PCCB: variants seen among roughly 807,000 people sequenced by gnomAD.
PCCB encodes the protein propionyl-CoA carboxylase subunit beta.
A neutral mutation model predicts 60.7 loss-of-function variants in PCCB; 43 were observed. The observed-to-expected ratio is 0.71, with a 90% CI of 0.55 to 0.91. The LOEUF (loss-of-function observed/expected upper bound fraction) is 0.91, where lower values mean the gene tolerates loss of function less well. PCCB is among the 40% of genes least tolerant of loss of function. The probability of loss-of-function intolerance (pLI) is 0.00; values close to 1 mark genes in which losing one functional copy is unlikely to be tolerated. For missense variants in PCCB, 766 were observed against 702.8 expected (o/e 1.09, Z -1.02); for synonymous variants, 276 against 255.9 (o/e 1.08, Z -0.75).
chr3:136,280,994 A>G (rs1012576907), intron 5 of PCCB, among the ~76,000 whole-genome samples: 2 of 152,152 alleles, frequency 1.3e-5, no homozygotes, highest in Non-Finnish European at 2.9e-5. Flanking sequence ...TCCGGCCTCC[A>G]TGGTTAATCT....
At chr3:136,250,695 G>C (rs147606121) in intron 1 of PCCB, 137 bp downstream of exon 1, 5 of 837,708 alleles carry the variant, frequency 6.0e-6, no homozygotes, top group South Asian at 3.8e-5. Flanking sequence ...TGTTCACCTT[G>C]AAAACCTGTA....
chr3:136,316,039 C>T (rs547158738), intron 9 of PCCB, among the ~76,000 whole-genome samples: 5 of 151,834 alleles, frequency 3.3e-5, no homozygotes, highest in South Asian at 2.1e-4. Context: ...GGCAACATAG[C>T]GAGATCTCAT....
chr3:136,257,196 G>A (rs898369441), intron 3 of PCCB, among the ~76,000 whole-genome samples: 3 of 152,138 alleles, frequency 2.0e-5, no homozygotes, highest in Admixed American at 1.3e-4. Context: ...ATCCAGGTGG[G>A]CCCAATATAA....
intron 5 of PCCB, among the ~76,000 whole-genome samples, chr3:136,281,143 T>G (rs1942465060): frequency 6.6e-6 from 1 of 151,976 alleles, no homozygotes; most frequent in Non-Finnish European, 1.5e-5. Context: ...TTTGTTGAGC[T>G]TCTTGGGTAT....
intron 5 of PCCB, among the ~76,000 whole-genome samples, chr3:136,277,240 T>G (rs1942351319): frequency 6.6e-6 from 1 of 152,220 alleles, no homozygotes; most frequent in Non-Finnish European, 1.5e-5. Context: ...ACCTCCTGGT[T>G]AGCCAGGGTT....
intron 5 of PCCB, among the ~76,000 whole-genome samples, chr3:136,273,127 G>A (rs960857344): frequency 6.6e-6 from 1 of 152,070 alleles, no homozygotes; most frequent in Non-Finnish European, 1.5e-5. Flanking sequence ...ATAGTTTTGA[G>A]CATTTCTTTT....
At chr3:136,327,280 T>C (rs369792100) in intron 12 of PCCB, 25 bp downstream of exon 12, 42 of 1,567,746 alleles carry the variant, frequency 2.7e-5, no homozygotes, top group Non-Finnish European at 3.5e-5. Flanking sequence ...TTGGAGGCCA[T>C]GACCCTGCTC....
At chr3:136,308,433 A>C (rs1174974626) in intron 9 of PCCB, among the ~76,000 whole-genome samples, 1 of 152,212 alleles carries the variant, frequency 6.6e-6, no homozygotes, top group Admixed American at 6.5e-5. Context: ...TCTGTGCCAG[A>C]AATAACCACC....
intron 10 of PCCB, among the ~76,000 whole-genome samples, chr3:136,325,755 T>G (rs1935283916): frequency 6.6e-6 from 1 of 152,224 alleles, no homozygotes; most frequent in Non-Finnish European, 1.5e-5. Context: ...AATAATTTCA[T>G]TAGTTTTCAC....
chr3:136,258,088 A>G (rs1941723558), intron 3 of PCCB, among the ~76,000 whole-genome samples: 1 of 152,132 alleles, frequency 6.6e-6, no homozygotes, highest in African/African-American at 2.4e-5. Flanking sequence ...TGTTTTGTGC[A>G]ATTTATGAGA....
At chr3:136,252,073 G>A (rs1941532017) in intron 1 of PCCB, among the ~76,000 whole-genome samples, 1 of 151,538 alleles carries the variant, frequency 6.6e-6, no homozygotes, top group Non-Finnish European at 1.5e-5. Context: ...GCAGAGACAG[G>A]GTTTCACCAT....
chr3:136,271,193 C>T (rs1351329384), intron 5 of PCCB, among the ~76,000 whole-genome samples: 2 of 151,948 alleles, frequency 1.3e-5, no homozygotes, highest in Non-Finnish European at 2.9e-5. Flanking sequence ...GATTTTTTGC[C>T]TGGGCCAGTG....
chr3:136,277,701 A>G (rs1040180200), intron 5 of PCCB, among the ~76,000 whole-genome samples: 5 of 152,136 alleles, frequency 3.3e-5, no homozygotes, highest in African/African-American at 1.2e-4. Context: ...TGTGGGGAGT[A>G]ACAGGTGGCA....
intron 13 of PCCB, among the ~76,000 whole-genome samples, chr3:136,328,326 C>T (rs1238063682): frequency 2.0e-5 from 3 of 152,226 alleles, no homozygotes; most frequent in East Asian, 3.9e-4. Context: ...TCAGTCTGGT[C>T]GCCTCTGGCC....
intron 6 of PCCB, among the ~76,000 whole-genome samples, chr3:136,293,203 A>G (rs541671594): frequency 3.3e-5 from 5 of 152,192 alleles, no homozygotes; most frequent in South Asian, 2.1e-4. Context: ...GGGTCTCGCT[A>G]TGTTGGCCAG....
intron 6 of PCCB, among the ~76,000 whole-genome samples, chr3:136,284,352 A>T (rs16843879): frequency 1.3e-5 from 2 of 152,104 alleles, no homozygotes; most frequent in African/African-American, 4.8e-5. Context: ...ATTTTATTAC[A>T]TTGTGTCCAT....
At chr3:136,261,925 CAATA>C in intron 4 of PCCB, 23 bp from the exon 5 acceptor site, 2 of 1,398,176 alleles carry the variant, frequency 1.4e-6, no homozygotes, top group Non-Finnish European at 2.0e-6. Flanking sequence ...ACATTTGTCT[CAATA>C]AAAGATTTCT....
intron 5 of PCCB, among the ~76,000 whole-genome samples, chr3:136,273,590 C>CTTTTTTTTTTTT (rs1942257481): frequency 6.7e-4 from 44 of 65,600 alleles, no homozygotes; most frequent in South Asian, 1.0e-3. Flanking sequence ...TTTTTTTTTT[C>CTTTTTTTTTTTT]TTTTTTCTTT....
At chr3:136,297,838 C>T in intron 7 of PCCB, 114 bp from the exon 8 acceptor site, 2 of 1,123,318 alleles carry the variant, frequency 1.8e-6, no homozygotes, top group East Asian at 2.4e-5. Context: ...GAGAACAGAG[C>T]TATCAGCACG....
Sources: allele counts gnomAD v4.1 joint callset (sites outside exome capture counted in the v4.1 genomes callset), GRCh38; gene constraint gnomAD v4.1.1; transcripts MANE v1.5; gene names NCBI Gene and HGNC (gene_info 2026-07-23, HGNC 2026-07-21).